Variants in GPC5 observed in about 807,000 individuals in gnomAD.
The protein encoded by GPC5 is glypican-5.
Under a neutral mutation model 53.9 loss-of-function variants are expected in GPC5, and 47 were observed. The observed-to-expected ratio is 0.87, with a 90% CI of 0.69 to 1.11. GPC5 has a LOEUF of 1.11. GPC5 is among the 50% of genes most tolerant of loss of function. The probability of loss-of-function intolerance (pLI) is 0.00; values close to 1 mark genes in which losing one functional copy is unlikely to be tolerated. For synonymous variants in GPC5, 286 were observed against 263.3 expected, an observed-to-expected ratio of 1.09 and a Z score of -0.84; for missense variants, 748 against 713.1, an observed-to-expected ratio of 1.05 and a Z score of -0.56.
intron 2 of GPC5, among the ~76,000 whole-genome samples, chr13:91,541,615 A>T (rs781356817): frequency 6.6e-6 from 1 of 152,138 alleles, no homozygotes; most frequent in African/African-American, 2.4e-5. Flanking sequence ...TAAATATTAG[A>T]ATTATGTAGT....
At chr13:91,866,156 C>T (rs1260866584) in intron 5 of GPC5, among the ~76,000 whole-genome samples, 1 of 152,204 alleles carries the variant, frequency 6.6e-6, no homozygotes, top group Non-Finnish European at 1.5e-5. Context: ...GCATGAGCTA[C>T]TGTGCTCGGC....
At chr13:92,717,976 A>G (rs1888385848) in intron 7 of GPC5, among the ~76,000 whole-genome samples, 1 of 152,114 alleles carries the variant, frequency 6.6e-6, no homozygotes, top group Admixed American at 6.6e-5. Flanking sequence ...ATGGCAGAGA[A>G]ATGCAAATTA....
intron 7 of GPC5, among the ~76,000 whole-genome samples, chr13:92,174,830 G>A (rs1178909750): frequency 6.6e-6 from 1 of 152,134 alleles, no homozygotes; most frequent in African/African-American, 2.4e-5. Context: ...AACACACTGT[G>A]AGACTTCGAA....
intron 1 of GPC5, among the ~76,000 whole-genome samples, chr13:91,431,801 A>T (rs1270333671): frequency 6.6e-6 from 1 of 152,164 alleles, no homozygotes; most frequent in Admixed American, 6.5e-5. Flanking sequence ...ATGCCAAAGG[A>T]AGTATCTGTT....
intron 5 of GPC5, among the ~76,000 whole-genome samples, chr13:91,830,277 C>T (rs1424166822): frequency 6.6e-6 from 1 of 152,128 alleles, no homozygotes; most frequent in African/African-American, 2.4e-5. Context: ...TTCTGCCCAG[C>T]TCACCGGCAG....
intron 7 of GPC5, among the ~76,000 whole-genome samples, chr13:92,214,408 TAAA>T (rs1336590309): frequency 6.6e-6 from 1 of 152,192 alleles, no homozygotes; most frequent in Non-Finnish European, 1.5e-5. Flanking sequence ...CTTATTTTGT[TAAA>T]AAGCCAATTT....
At chr13:92,170,170 A>G (rs2042059255) in intron 7 of GPC5, among the ~76,000 whole-genome samples, 1 of 151,744 alleles carries the variant, frequency 6.6e-6, no homozygotes, top group South Asian at 2.1e-4. Context: ...TTTAAAAAAA[A>G]CCTTAAGATT....
chr13:91,973,485 T>C (rs2040264819), intron 6 of GPC5, among the ~76,000 whole-genome samples: 1 of 152,250 alleles, frequency 6.6e-6, no homozygotes, highest in African/African-American at 2.4e-5. Context: ...TCATTCTCCG[T>C]CCAGCTTTGT....
chr13:92,406,061 A>AT (rs1233022755), intron 7 of GPC5, among the ~76,000 whole-genome samples: 4 of 152,078 alleles, frequency 2.6e-5, no homozygotes, highest in African/African-American at 7.2e-5. Flanking sequence ...ATCTAAGGTC[A>AT]TTTTTTCTAT....
intron 5 of GPC5, among the ~76,000 whole-genome samples, chr13:91,787,324 A>G (rs1333146387): frequency 6.6e-6 from 1 of 152,188 alleles, no homozygotes; most frequent in Non-Finnish European, 1.5e-5. Context: ...GCAATGCCAT[A>G]TATATGGTCT....
intron 2 of GPC5, among the ~76,000 whole-genome samples, chr13:91,572,129 A>G (rs1225771476): frequency 3.3e-4 from 47 of 142,996 alleles, no homozygotes; most frequent in African/African-American, 1.2e-3. Context: ...ATACGTGTGT[A>G]TATACACATA....
intron 7 of GPC5, among the ~76,000 whole-genome samples, chr13:92,682,706 G>T (rs560014644): frequency 6.6e-6 from 1 of 152,262 alleles, no homozygotes; most frequent in East Asian, 1.9e-4. Flanking sequence ...AACAAGTTTA[G>T]ATGTCAGTAA....
chr13:92,562,439 A>T (rs545035495), intron 7 of GPC5, among the ~76,000 whole-genome samples: 1 of 152,148 alleles, frequency 6.6e-6, no homozygotes, highest in East Asian at 1.9e-4. Flanking sequence ...AGTGGAAGCC[A>T]TTAGAGGGCA....
At chr13:92,180,759 TG>T in intron 7 of GPC5, 1 of 194,150 alleles carries the variant, frequency 5.2e-6, no homozygotes, top group Non-Finnish European at 1.1e-5. Context: ...ACACTGTTCA[TG>T]ACACCGTTCA....
chr13:92,486,391 G>A (rs773824840), intron 7 of GPC5, among the ~76,000 whole-genome samples: 1 of 152,104 alleles, frequency 6.6e-6, no homozygotes, highest in South Asian at 2.1e-4. Context: ...TAATAATAGT[G>A]ATTCTGATTT....
At chr13:92,546,543 C>G (rs541386872) in intron 7 of GPC5, among the ~76,000 whole-genome samples, 2 of 152,262 alleles carry the variant, frequency 1.3e-5, no homozygotes, top group South Asian at 4.1e-4. Context: ...GAAGACCATT[C>G]CATGCTCATG....
At chr13:92,103,857 C>T (rs1048471109) in intron 6 of GPC5, among the ~76,000 whole-genome samples, 1 of 152,130 alleles carries the variant, frequency 6.6e-6, no homozygotes, top group African/African-American at 2.4e-5. Flanking sequence ...CAGAAGTGCA[C>T]ATAGCACTGC....
chr13:92,857,246 G>T (rs1419354902), intron 7 of GPC5, among the ~76,000 whole-genome samples: 2 of 152,082 alleles, frequency 1.3e-5, no homozygotes, highest in Non-Finnish European at 2.9e-5. Context: ...AAATGGTACT[G>T]GGAAAACTGG....
intron 7 of GPC5, among the ~76,000 whole-genome samples, chr13:92,650,956 G>C (rs1417831038): frequency 6.6e-6 from 1 of 151,954 alleles, no homozygotes; most frequent in Admixed American, 6.6e-5. Flanking sequence ...CTGTGTCCAC[G>C]TGTTCTTATT....
Sources: allele counts gnomAD v4.1 joint callset (sites outside exome capture counted in the v4.1 genomes callset), GRCh38; gene constraint gnomAD v4.1.1; transcripts MANE v1.5; gene names NCBI Gene and HGNC (gene_info 2026-07-23, HGNC 2026-07-21).